Variants in CSGALNACT1 observed in about 807,000 individuals in gnomAD.
The protein encoded by CSGALNACT1 is chondroitin sulfate N-acetylgalactosaminyltransferase 1, also known as beta4GalNAcT-1.
Under a neutral mutation model 51.0 loss-of-function variants are expected in CSGALNACT1, and 52 were observed. The observed-to-expected ratio is 1.02, with a 90% CI of 0.82 to 1.29. The LOEUF is 1.29. Ranked by LOEUF, CSGALNACT1 falls within the 50% of genes most tolerant of loss-of-function variation. CSGALNACT1 has a pLI of 0.00. For synonymous variants in CSGALNACT1, 341 were observed against 254.4 expected, an observed-to-expected ratio of 1.34 and a Z score of -3.24; for missense variants, 935 against 679.2, an observed-to-expected ratio of 1.38 and a Z score of -4.19.
At chr8:19,499,184 A>G (rs4922044) in intron 4 of CSGALNACT1, among the ~76,000 whole-genome samples, 2 of 152,122 alleles carry the variant, frequency 1.3e-5, no homozygotes, top group South Asian at 4.1e-4. Context: ...ACCGACCCAT[A>G]TCTTCTAGGA....
intron 1 of CSGALNACT1, among the ~76,000 whole-genome samples, chr8:19,668,224 C>G (rs935160968): frequency 5.3e-5 from 8 of 152,126 alleles, no homozygotes; most frequent in Non-Finnish European, 1.2e-4. Context: ...TTCCTCTGTT[C>G]CTTTAATTGC....
intron 1 of CSGALNACT1, among the ~76,000 whole-genome samples, chr8:19,651,115 G>A (rs1250318241): frequency 6.6e-6 from 1 of 152,134 alleles, no homozygotes; most frequent in Non-Finnish European, 1.5e-5. Context: ...GTCAGATGGT[G>A]GGCAGTTCAG....
intron 1 of CSGALNACT1, among the ~76,000 whole-genome samples, chr8:19,733,753 A>G (rs1007049115): frequency 2.0e-5 from 3 of 152,184 alleles, no homozygotes; most frequent in African/African-American, 7.2e-5. Context: ...CTAAGGTGAG[A>G]ATTCTACATT....
chr8:19,749,533 C>T (rs1398953772), intron 1 of CSGALNACT1, among the ~76,000 whole-genome samples: 1 of 152,070 alleles, frequency 6.6e-6, no homozygotes, highest in East Asian at 1.9e-4. Context: ...ATCCACTTTC[C>T]CTCCCTACCA....
chr8:19,511,528 C>T (rs896603340), intron 3 of CSGALNACT1, among the ~76,000 whole-genome samples: 2 of 152,218 alleles, frequency 1.3e-5, no homozygotes, highest in African/African-American at 4.8e-5. Flanking sequence ...AAAGTCAGCA[C>T]TGTAAACTTT....
At chr8:19,593,158 G>A (rs572512261) in intron 2 of CSGALNACT1, among the ~76,000 whole-genome samples, 3 of 152,178 alleles carry the variant, frequency 2.0e-5, no homozygotes, top group East Asian at 1.9e-4. Context: ...AAGAATGTAC[G>A]ATATGTATCA....
At chr8:19,596,071 T>A (rs1376543499) in intron 2 of CSGALNACT1, among the ~76,000 whole-genome samples, 1 of 152,106 alleles carries the variant, frequency 6.6e-6, no homozygotes, top group Non-Finnish European at 1.5e-5. Context: ...TCTTGTCATG[T>A]TGCCTCGGTT....
chr8:19,503,127 A>G (rs1432082090), intron 4 of CSGALNACT1, among the ~76,000 whole-genome samples: 1 of 152,268 alleles, frequency 6.6e-6, no homozygotes, highest in South Asian at 2.1e-4. Flanking sequence ...TCAAAATGAA[A>G]TAAACTGCTC....
chr8:19,502,715 C>A (rs556356037), intron 4 of CSGALNACT1, among the ~76,000 whole-genome samples: 2 of 152,228 alleles, frequency 1.3e-5, no homozygotes, highest in African/African-American at 4.8e-5. Flanking sequence ...TAAATTTCAC[C>A]CTTATAAAAT....
At chr8:19,594,298 G>GT (rs1384293802) in intron 2 of CSGALNACT1, among the ~76,000 whole-genome samples, 2 of 152,206 alleles carry the variant, frequency 1.3e-5, no homozygotes, top group African/African-American at 4.8e-5. Context: ...GGCAAGGGAA[G>GT]TGAGAGTCTC....
intron 5 of CSGALNACT1, among the ~76,000 whole-genome samples, chr8:19,446,031 C>T (rs1586187457): frequency 6.6e-6 from 1 of 152,078 alleles, no homozygotes; most frequent in East Asian, 1.9e-4. Flanking sequence ...AAAAATTAGT[C>T]AGGCCTGGTG....
chr8:19,689,854 T>C (rs1328258626), intron 1 of CSGALNACT1, among the ~76,000 whole-genome samples: 1 of 152,224 alleles, frequency 6.6e-6, no homozygotes, highest in African/African-American at 2.4e-5. Context: ...GAAAGTGACG[T>C]AGAGTAACCT....
chr8:19,510,123 T>G (rs1490482544), intron 3 of CSGALNACT1, among the ~76,000 whole-genome samples: 3 of 152,212 alleles, frequency 2.0e-5, no homozygotes, highest in African/African-American at 7.2e-5. Flanking sequence ...ATGTTCATCC[T>G]TACTAATTGT....
At chr8:19,726,008 G>C (rs776127995) in intron 1 of CSGALNACT1, among the ~76,000 whole-genome samples, 2 of 152,122 alleles carry the variant, frequency 1.3e-5, no homozygotes, top group African/African-American at 2.4e-5. Flanking sequence ...ATCATTCAGA[G>C]TAGTTTCACT....
At chr8:19,618,629 C>CAAAA (rs60787326) in intron 1 of CSGALNACT1, among the ~76,000 whole-genome samples, 5 of 64,032 alleles carry the variant, frequency 7.8e-5, no homozygotes, top group Admixed American at 2.5e-4. Flanking sequence ...AATACTCCAT[C>CAAAA]AAAAAAAAAA....
intron 3 of CSGALNACT1, among the ~76,000 whole-genome samples, chr8:19,574,921 G>C (rs996672005): frequency 1.3e-5 from 2 of 152,038 alleles, no homozygotes; most frequent in East Asian, 1.9e-4. Context: ...TGTAGTCTCA[G>C]CTACTCGGGA....
At chr8:19,719,517 C>T (rs1328140772) in intron 1 of CSGALNACT1, among the ~76,000 whole-genome samples, 3 of 152,138 alleles carry the variant, frequency 2.0e-5, no homozygotes, top group Non-Finnish European at 4.4e-5. Context: ...AATCTCCCAT[C>T]GTTTTCAGAA....
chr8:19,623,006 T>C (rs555640357), intron 1 of CSGALNACT1, among the ~76,000 whole-genome samples: 1 of 152,266 alleles, frequency 6.6e-6, no homozygotes, highest in African/African-American at 2.4e-5. Context: ...GGCACATGTA[T>C]ACGTAGGTAA....
intron 4 of CSGALNACT1, among the ~76,000 whole-genome samples, chr8:19,498,970 G>T (rs565439958): frequency 6.6e-6 from 1 of 152,016 alleles, no homozygotes; most frequent in Non-Finnish European, 1.5e-5. Flanking sequence ...TAAAAAATTG[G>T]CTGGACATGG....
Sources: gnomAD v4.1 joint callset for allele counts (sites outside exome capture counted in the v4.1 genomes callset) on GRCh38, gnomAD v4.1.1 for gene constraint, MANE v1.5 for transcripts, NCBI Gene and HGNC (gene_info 2026-07-23, HGNC 2026-07-21) for gene names.